PRR16: variants seen among roughly 807,000 people sequenced by gnomAD.
PRR16 encodes proline rich 16.
A neutral mutation model predicts 18.2 loss-of-function variants in PRR16; 6 were observed. The observed-to-expected ratio is 0.33, with a 90% confidence interval of 0.18 to 0.65. PRR16 has a LOEUF of 0.65. Ranked by LOEUF, PRR16 falls within the 30% of genes least tolerant of loss-of-function variation. The pLI is 0.74. For missense variants in PRR16, 412 were observed against 376.6 expected (o/e 1.09, Z -0.78); for synonymous variants, 151 against 147.8 (o/e 1.02, Z -0.16).
chr5:120,782,053 C>A, the PRR16 span, among the ~76,000 whole-genome samples: 4 of 152,124 alleles, frequency 2.6e-5, no homozygotes, highest in African/African-American at 9.7e-5. Flanking sequence ...CATATTACTA[C>A]TTTTCTTTCA....
intron 1 of PRR16, among the ~76,000 whole-genome samples, chr5:120,594,196 G>A (rs567080648): frequency 1.3e-5 from 2 of 152,156 alleles, no homozygotes; most frequent in African/African-American, 4.8e-5. Context: ...CAAATAGGAA[G>A]AGAGGAAGTC....
chr5:120,760,022 A>G, the PRR16 span, among the ~76,000 whole-genome samples: 2 of 152,204 alleles, frequency 1.3e-5, no homozygotes, highest in Middle Eastern at 3.2e-3. Context: ...GTATAGGACT[A>G]GAGTCTCTAA....
At chr5:120,765,578 C>T in the PRR16 span, among the ~76,000 whole-genome samples, 1 of 151,814 alleles carries the variant, frequency 6.6e-6, no homozygotes. Flanking sequence ...TCTTTACCTT[C>T]TTTTCTTTTT....
intron 1 of PRR16, among the ~76,000 whole-genome samples, chr5:120,494,995 G>A (rs1419502254): frequency 1.3e-5 from 2 of 151,978 alleles, no homozygotes; most frequent in Admixed American, 6.6e-5. Flanking sequence ...CTGTAGCCAC[G>A]TAAGTCTTGA....
chr5:120,750,318 A>G, the PRR16 span, among the ~76,000 whole-genome samples: 54 of 152,218 alleles, frequency 3.5e-4, no homozygotes, highest in African/African-American at 1.1e-3. Flanking sequence ...AAGTCAACCA[A>G]TACTTTTACC....
rs542033100 is a variant in PRR16 at position 120,675,290 on chromosome 5, T to C, written c.160-10664T>C. On this transcript the variant is annotated intron_variant, in intron 1 of 1. Transcript: ENST00000407149. ...TTAACCCGTACTCAGAGCATTCTTA[T>C]CCAGTGACATTGTTCCATATTTTTA... Among the ~76,000 whole-genome samples, 6 of 152,332 alleles carry C rather than the reference T, an allele frequency of 3.9e-5. No homozygotes were observed. In the South Asian group the frequency reaches 1.2e-3, roughly 32 times the overall value.
At chr5:120,723,736 G>C in the PRR16 span, among the ~76,000 whole-genome samples, 1 of 151,770 alleles carries the variant, frequency 6.6e-6, no homozygotes, top group African/African-American at 2.4e-5. Context: ...GACATTCCAG[G>C]CCATGTACTT....
At chr5:120,709,548 G>A in the PRR16 span, among the ~76,000 whole-genome samples, 1 of 151,526 alleles carries the variant, frequency 6.6e-6, no homozygotes, top group African/African-American at 2.4e-5. Flanking sequence ...GTTAGCTATA[G>A]TCTTCTCTTA....
chr5:120,568,171 G>T (rs1216413321), intron 1 of PRR16, among the ~76,000 whole-genome samples: 17 of 152,180 alleles, frequency 1.1e-4, no homozygotes, highest in African/African-American at 3.9e-4. Flanking sequence ...GGACACAGAT[G>T]TGACCAGGCA....
intron 1 of PRR16, among the ~76,000 whole-genome samples, chr5:120,682,678 AC>A (rs1757008012): frequency 6.6e-6 from 1 of 152,184 alleles, no homozygotes; most frequent in Non-Finnish European, 1.5e-5. Flanking sequence ...TCTACCTCTC[AC>A]ATTCTTTAGA....
chr5:120,740,599 A>G, the PRR16 span, among the ~76,000 whole-genome samples: 2 of 152,142 alleles, frequency 1.3e-5, no homozygotes, highest in African/African-American at 4.8e-5. Flanking sequence ...TGACTATATC[A>G]ATACCATACT....
At chr5:120,605,124 AG>A (rs1269740688) in intron 1 of PRR16, among the ~76,000 whole-genome samples, 7 of 152,170 alleles carry the variant, frequency 4.6e-5, no homozygotes, top group African/African-American at 1.7e-4. Flanking sequence ...TTTTGTGGAC[AG>A]TATTCTCAAA....
At chr5:120,585,222 T>G (rs1400163891) in intron 1 of PRR16, among the ~76,000 whole-genome samples, 1 of 152,154 alleles carries the variant, frequency 6.6e-6, no homozygotes, top group Non-Finnish European at 1.5e-5. Flanking sequence ...AAATTTTGAG[T>G]CAGTTGGGCT....
At chr5:120,785,593 G>C in the PRR16 span, among the ~76,000 whole-genome samples, 1 of 57,460 alleles carries the variant, frequency 1.7e-5, no homozygotes, top group African/African-American at 6.7e-5. Context: ...TTTTTTTTGA[G>C]ACAGAGTCTT....
intron 1 of PRR16, among the ~76,000 whole-genome samples, chr5:120,482,584 T>C (rs995115699): frequency 1.3e-5 from 2 of 152,226 alleles, no homozygotes; most frequent in Non-Finnish European, 2.9e-5. Flanking sequence ...AGTGATGCGA[T>C]GAACATATGA....
intron 1 of PRR16, among the ~76,000 whole-genome samples, chr5:120,627,304 A>G (rs1754899980): frequency 6.6e-6 from 1 of 152,124 alleles, no homozygotes; most frequent in Admixed American, 6.6e-5. Context: ...TGCTGCACTC[A>G]TTGCTCAAAT....
chr5:120,604,057 G>A (rs1754071420), intron 1 of PRR16, among the ~76,000 whole-genome samples: 1 of 151,858 alleles, frequency 6.6e-6, no homozygotes, highest in South Asian at 2.1e-4. Flanking sequence ...TTCTGTAGAT[G>A]TCTGTTAGGT....
chr5:120,659,172 A>C (rs1756091046), intron 1 of PRR16, among the ~76,000 whole-genome samples: 1 of 152,040 alleles, frequency 6.6e-6, no homozygotes, highest in African/African-American at 2.4e-5. Flanking sequence ...TTCAAAGGTG[A>C]ACCAATTTGA....
At chr5:120,642,189 A>G (rs1381118849) in intron 1 of PRR16, among the ~76,000 whole-genome samples, 1 of 152,052 alleles carries the variant, frequency 6.6e-6, no homozygotes, top group South Asian at 2.1e-4. Context: ...TCAGCCACCA[A>G]AAAGATCTTT....
Sources: gnomAD v4.1 joint callset for allele counts (sites outside exome capture counted in the v4.1 genomes callset) on GRCh38, gnomAD v4.1.1 for gene constraint, MANE v1.5 for transcripts, NCBI Gene and HGNC (gene_info 2026-07-23, HGNC 2026-07-21) for gene names.